NAALADL2: variants seen among roughly 807,000 people sequenced by gnomAD.
NAALADL2 encodes the protein N-acetylated alpha-linked acidic dipeptidase like 2, also known as inactive N-acetylated-alpha-linked acidic dipeptidase-like protein 2.
A neutral mutation model predicts 87.2 loss-of-function variants in NAALADL2; 76 were observed. That is an observed-to-expected ratio of 0.87 (90% CI 0.72 to 1.05). NAALADL2 has a LOEUF of 1.05. Among genes scored for constraint, NAALADL2 ranks in the 50% least tolerant of loss-of-function variants. The probability of loss-of-function intolerance (pLI) is 0.00; values close to 1 mark genes in which losing one functional copy is unlikely to be tolerated. For missense variants in NAALADL2, 1,089 were observed against 945.8 expected (o/e 1.15, Z -1.99); for synonymous variants, 354 against 331.0 (o/e 1.07, Z -0.75).
chr3:174,891,976 G>A lies in NAALADL2; in HGVS notation c.43+32526G>A, dbSNP rs1324774435. On this transcript the variant is annotated intron_variant, in intron 1 of 13. Transcript: ENST00000454872. The stretch of plus-strand genomic sequence containing the variant: ...TTGGTTACTGGCTCAGCCACAACAA[G>A]GTATCTCTACAACGCTGCATGAATC... 5.3e-5 allele frequency among the ~76,000 whole-genome samples: 8 copies of A among 152,098 alleles called. 1 individual carries two copies. Among genetic ancestry groups the A allele is most frequent in the Admixed American group, 5.2e-4 (8 of 15,272 alleles).
At chr3:174,483,569 T>G (rs1295508832) in intron 1 of NAALADL2, among the ~76,000 whole-genome samples, 1 of 152,018 alleles carries the variant, frequency 6.6e-6, no homozygotes, top group Non-Finnish European at 1.5e-5. Flanking sequence ...CATATCATTG[T>G]GCAAAGTAAG....
chr3:175,225,441 A>G (rs537856129), intron 2 of NAALADL2, among the ~76,000 whole-genome samples: 1 of 152,258 alleles, frequency 6.6e-6, no homozygotes, highest in South Asian at 2.1e-4. Context: ...ATGTGTTAAA[A>G]AGGGTAAGAC....
chr3:175,568,026 C>A (rs9818816), intron 9 of NAALADL2, among the ~76,000 whole-genome samples: 6,107 of 151,878 alleles, frequency 0.04, 278 homozygotes, highest in African/African-American at 0.11. Context: ...CCAAAAATTT[C>A]TATTTTATGA....
chr3:175,373,344 C>T lies in NAALADL2; in HGVS notation c.1090+49019C>T, dbSNP rs564307974. 8.5e-5 allele frequency among the ~76,000 whole-genome samples: 13 copies of T among 152,240 alleles called. 1 individual carries two copies. The South Asian group carries it at 2.3e-3, about 27-fold the overall frequency. On this transcript the variant is annotated intron_variant, in intron 5 of 13. Transcript: ENST00000454872. ...TCCACTGCCACCTAATCTAGTCTAA[C>T]CGCTGATCTAATTTGCATTAATAAA...
intron 2 of NAALADL2, among the ~76,000 whole-genome samples, chr3:175,109,486 T>G (rs934921017): frequency 6.6e-6 from 1 of 151,800 alleles, no homozygotes; most frequent in African/African-American, 2.4e-5. Flanking sequence ...GGAACATACT[T>G]GTTTATATAA....
At chr3:175,171,707 C>G (rs886246626) in intron 2 of NAALADL2, among the ~76,000 whole-genome samples, 36 of 152,094 alleles carry the variant, frequency 2.4e-4, no homozygotes, top group Non-Finnish European at 3.2e-4. Context: ...AGTACATGCA[C>G]ACAATGGAAT....
At chr3:174,992,928 C>A (rs938454818) in intron 1 of NAALADL2, among the ~76,000 whole-genome samples, 2 of 152,054 alleles carry the variant, frequency 1.3e-5, no homozygotes, top group African/African-American at 4.8e-5. Context: ...ACCATTCTAT[C>A]TTATTTTGTT....
At chr3:174,825,779 G>A (rs1182064065) in intron 3 of NAALADL2, among the ~76,000 whole-genome samples, 2 of 152,130 alleles carry the variant, frequency 1.3e-5, no homozygotes, top group Admixed American at 1.3e-4. Context: ...TGTAATCCCA[G>A]CACTTTGGGA....
At chr3:175,734,237 C>T (rs918359635) in intron 11 of NAALADL2, among the ~76,000 whole-genome samples, 9 of 152,280 alleles carry the variant, frequency 5.9e-5, no homozygotes, top group South Asian at 2.1e-4. Context: ...GGCATTCAGG[C>T]GTTTCCATAC....
chr3:175,014,907 G>A (rs1423642679), intron 1 of NAALADL2, among the ~76,000 whole-genome samples: 1 of 151,542 alleles, frequency 6.6e-6, no homozygotes, highest in African/African-American at 2.4e-5. Flanking sequence ...TTTCGTAAGG[G>A]GACTGGATCT....
chr3:175,138,518 TA>T, intron 2 of NAALADL2, among the ~76,000 whole-genome samples: 1 of 151,942 alleles, frequency 6.6e-6, no homozygotes, highest in Non-Finnish European at 1.5e-5. Flanking sequence ...TGGGACACCT[TA>T]AGATTAATGT....
chr3:174,903,832 C>G (rs1456951101), intron 1 of NAALADL2, among the ~76,000 whole-genome samples: 1 of 151,684 alleles, frequency 6.6e-6, no homozygotes, highest in Non-Finnish European at 1.5e-5. Context: ...AACTTTTTCA[C>G]AGTCATTTTT....
At chr3:175,287,029 A>T (rs1055767759) in intron 4 of NAALADL2, among the ~76,000 whole-genome samples, 2 of 152,066 alleles carry the variant, frequency 1.3e-5, no homozygotes, top group Non-Finnish European at 2.9e-5. Context: ...GGATCCCTTG[A>T]GGCCAGCAGG....
chr3:174,726,417 T>C (rs1458391047), intron 2 of NAALADL2, among the ~76,000 whole-genome samples: 1 of 152,170 alleles, frequency 6.6e-6, no homozygotes. Context: ...TCATTAGTTA[T>C]AATTCTGGTA....
At chr3:175,756,499 G>T (rs1327599486) in intron 13 of NAALADL2, among the ~76,000 whole-genome samples, 1 of 152,116 alleles carries the variant, frequency 6.6e-6, no homozygotes, top group Non-Finnish European at 1.5e-5. Context: ...GTCATCAGAA[G>T]GAATGAAATC....
chr3:175,174,505 A>T (rs1230453218), intron 2 of NAALADL2, among the ~76,000 whole-genome samples: 1 of 152,100 alleles, frequency 6.6e-6, no homozygotes, highest in Non-Finnish European at 1.5e-5. Flanking sequence ...AAATGAAAAA[A>T]ATTATATTCT....
chr3:174,987,827 T>TATATATATAA (rs1222203525), intron 1 of NAALADL2, among the ~76,000 whole-genome samples: 2 of 130,542 alleles, frequency 1.5e-5, no homozygotes, highest in East Asian at 2.4e-4. Context: ...TATATATATA[T>TATATATATAA]AATGAGACCT....
intron 11 of NAALADL2, among the ~76,000 whole-genome samples, chr3:175,729,865 C>G (rs1460766680): frequency 1.3e-5 from 2 of 149,470 alleles, no homozygotes; most frequent in Non-Finnish European, 3.0e-5. Context: ...ACAGCATCAA[C>G]TTTCATAGTA....
chr3:175,074,050 G>A (rs991547586), intron 1 of NAALADL2, among the ~76,000 whole-genome samples: 2 of 151,938 alleles, frequency 1.3e-5, no homozygotes, highest in Non-Finnish European at 2.9e-5. Flanking sequence ...TTCCATAAGG[G>A]TGGGGATTTT....
Sources: allele counts gnomAD v4.1 joint callset (sites outside exome capture counted in the v4.1 genomes callset), GRCh38; gene constraint gnomAD v4.1.1; transcripts MANE v1.5; gene names NCBI Gene and HGNC (gene_info 2026-07-23, HGNC 2026-07-21).